CARMIL1: variants seen among roughly 807,000 people sequenced by gnomAD.
The protein encoded by CARMIL1 is capping protein regulator and myosin 1 linker 1, also known as F-actin-uncapping protein LRRC16A.
Under a neutral mutation model 177.1 loss-of-function variants are expected in CARMIL1, and 90 were observed. That is an observed-to-expected ratio of 0.51 (90% CI 0.43 to 0.61). The LOEUF is 0.61. CARMIL1 is among the 20% of genes least tolerant of loss of function. CARMIL1 has a pLI of 0.00. For synonymous variants in CARMIL1, 577 were observed against 606.2 expected (o/e 0.95, Z 0.71); for missense variants, 1,380 against 1,667.0 (o/e 0.83, Z 3.00).
chr6:25,471,107 A>G, intron 9 of CARMIL1, 62 bp from the exon 10 acceptor site: 1 of 1,122,152 alleles, frequency 8.9e-7, no homozygotes. Flanking sequence ...GCATAGATTT[A>G]TAACAATAAA....
chr6:25,355,775 C>T (rs1788534436), intron 2 of CARMIL1, among the ~76,000 whole-genome samples: 1 of 152,286 alleles, frequency 6.6e-6, no homozygotes, highest in South Asian at 2.1e-4. Flanking sequence ...TTTTTTAATT[C>T]TGGTAAAAAG....
chr6:25,321,152 G>A (rs1053733436), intron 2 of CARMIL1, among the ~76,000 whole-genome samples: 13 of 147,728 alleles, frequency 8.8e-5, no homozygotes, highest in African/African-American at 3.3e-4. Flanking sequence ...ACTACCCCTT[G>A]AGGGGAGACT....
chr6:25,555,845 G>T (rs185982713), intron 28 of CARMIL1, among the ~76,000 whole-genome samples: 5 of 152,212 alleles, frequency 3.3e-5, no homozygotes, highest in Admixed American at 3.3e-4. Flanking sequence ...CTGAAAGTTT[G>T]AATTTTTCAC....
At chr6:25,328,284 C>T (rs1019940845) in intron 2 of CARMIL1, among the ~76,000 whole-genome samples, 1 of 152,024 alleles carries the variant, frequency 6.6e-6, no homozygotes. Context: ...TAAAGGAGAT[C>T]GAGTCATGGT....
At position 25,279,664 on chromosome 6, in the gene CARMIL1, C is replaced by G; in HGVS notation, c.-132C>G. The G allele has an allele frequency of 1.2e-6, 1 of 814,484 alleles. No individual in the cohort carries two copies. Among genetic ancestry groups the G allele is most frequent in the Non-Finnish European group, 2.2e-6 (1 of 464,442 alleles). The allele number at this position is 814,484 out of a possible 1,614,324, so 50.5% of individuals were successfully genotyped here. ...GCGCGCGGCAAAATTCTGTCTCCGC[C>G]CCCCCTTTTCTTGCCCACTTCCATT... On this transcript the variant is annotated 5_prime_UTR_variant, in exon 1 of 37. Coordinates refer to ENST00000329474, the MANE Select transcript of CARMIL1 (RefSeq NM_017640.6).
At chr6:25,396,108 T>C (rs1793363403) in intron 2 of CARMIL1, among the ~76,000 whole-genome samples, 1 of 152,234 alleles carries the variant, frequency 6.6e-6, no homozygotes, top group South Asian at 2.1e-4. Flanking sequence ...CAGGTTTATT[T>C]TGACAGCACT....
intron 9 of CARMIL1, 30 bp downstream of exon 9, chr6:25,465,978 C>G (rs768923219): frequency 1.8e-5 from 27 of 1,510,424 alleles, no homozygotes; most frequent in African/African-American, 2.7e-5. Context: ...GCAAATGTTG[C>G]TTGGCTTTGC....
intron 9 of CARMIL1, among the ~76,000 whole-genome samples, chr6:25,469,440 C>A (rs1033199554): frequency 6.6e-6 from 1 of 152,166 alleles, no homozygotes; most frequent in Non-Finnish European, 1.5e-5. Context: ...TGCTGTGGCA[C>A]ATAGAACATG....
chr6:25,436,443 T>C (rs1028168618), intron 5 of CARMIL1, among the ~76,000 whole-genome samples: 3 of 152,180 alleles, frequency 2.0e-5, no homozygotes, highest in Non-Finnish European at 2.9e-5. Context: ...CCTTGCGTGG[T>C]GGAGGTGGGA....
chr6:25,411,269 C>T (rs1467569185), intron 2 of CARMIL1, among the ~76,000 whole-genome samples: 1 of 152,148 alleles, frequency 6.6e-6, no homozygotes, highest in Non-Finnish European at 1.5e-5. Flanking sequence ...CATGTGAGTT[C>T]TTAACACAAA....
rs11304932 is a variant in CARMIL1, at chr6:25,539,625, CAAAAAAAAAAAAA to C, written c.2197-307_2197-295del. Among the ~76,000 whole-genome samples the C allele has an allele frequency of 1.6e-4, 9 of 55,738 alleles. No individual in the cohort carries two copies. In the East Asian group the frequency reaches 5.5e-3, roughly 34 times the overall value. 36.6% of individuals were successfully genotyped at this position (55,738 alleles called of 152,430 possible). On this transcript the variant is annotated intron_variant, in intron 25 of 36. Transcript: ENST00000329474. ...GGGCAACAAGAGCGAAACTCCATCT[CAAAAAAAAAAAAA>C]AAAAAAAAAAAAAAGACATGAGGAG...
At chr6:25,392,454 C>T (rs1792958282) in intron 2 of CARMIL1, among the ~76,000 whole-genome samples, 1 of 152,132 alleles carries the variant, frequency 6.6e-6, no homozygotes, top group East Asian at 1.9e-4. Flanking sequence ...GCAGCCTTGC[C>T]AATATTTGAA....
intron 4 of CARMIL1, among the ~76,000 whole-genome samples, chr6:25,431,457 C>T (rs1345709429): frequency 1.3e-5 from 2 of 151,520 alleles, no homozygotes; most frequent in Non-Finnish European, 2.9e-5. Context: ...AAAGAAAAAT[C>T]GCAGCAACAT....
At chr6:25,609,909 C>CA in intron 35 of CARMIL1, 141 bp from the exon 36 acceptor site, 1 of 963,836 alleles carries the variant, frequency 1.0e-6, no homozygotes, top group Admixed American at 2.8e-5. Flanking sequence ...AGCAAAAACA[C>CA]AAAACTAATT....
chr6:25,374,370 C>A (rs1790768321), intron 2 of CARMIL1, among the ~76,000 whole-genome samples: 1 of 152,206 alleles, frequency 6.6e-6, no homozygotes, highest in South Asian at 2.1e-4. Context: ...TAGTTTTATT[C>A]CACTGTGGTC....
chr6:25,486,822 C>A (rs1802705745), intron 12 of CARMIL1, among the ~76,000 whole-genome samples: 1 of 152,064 alleles, frequency 6.6e-6, no homozygotes, highest in African/African-American at 2.4e-5. Flanking sequence ...TCTCAGAAGA[C>A]CCTGCCTGGT....
intron 8 of CARMIL1, among the ~76,000 whole-genome samples, chr6:25,458,485 C>CAAAAAAAAAAAAA: frequency 1.5e-5 from 1 of 68,212 alleles, no homozygotes; most frequent in Non-Finnish European, 2.5e-5. Flanking sequence ...GACTCTGTCT[C>CAAAAAAAAAAAAA]AAAAAAAAAA....
chr6:25,574,932 G>A (rs1335757301), intron 29 of CARMIL1, among the ~76,000 whole-genome samples: 1 of 152,140 alleles, frequency 6.6e-6, no homozygotes, highest in Non-Finnish European at 1.5e-5. Flanking sequence ...TTTTAAAAAT[G>A]ATATTAACCT....
intron 15 of CARMIL1, among the ~76,000 whole-genome samples, chr6:25,493,422 C>G (rs1196956536): frequency 6.6e-6 from 1 of 152,114 alleles, no homozygotes; most frequent in Non-Finnish European, 1.5e-5. Flanking sequence ...TTAGTGTATC[C>G]ATCAGGATAA....
Sources: gnomAD v4.1 joint callset for allele counts (sites outside exome capture counted in the v4.1 genomes callset) on GRCh38, gnomAD v4.1.1 for gene constraint, MANE v1.5 for transcripts, NCBI Gene and HGNC (gene_info 2026-07-23, HGNC 2026-07-21) for gene names.